ESRRG: variants seen among roughly 807,000 people sequenced by gnomAD.
ESRRG encodes the protein estrogen related receptor gamma, also known as estrogen-related receptor gamma.
A neutral mutation model predicts 44.0 loss-of-function variants in ESRRG; 13 were observed. The ratio of observed to expected loss-of-function variants is 0.30; its 90% CI spans 0.19 to 0.47. The LOEUF is 0.47. Among genes scored for constraint, ESRRG ranks in the 20% least tolerant of loss-of-function variants. The pLI, the probability that ESRRG is intolerant of heterozygous loss-of-function variation, is 1.00. For synonymous variants in ESRRG, 215 were observed against 214.6 expected, an observed-to-expected ratio of 1.00 and a Z score of -0.02; for missense variants, 395 against 580.6, an observed-to-expected ratio of 0.68 and a Z score of 3.29.
chr1:217,090,715 T>C (rs1054980035), upstream of ESRRG, among the ~76,000 whole-genome samples: 1 of 152,072 alleles, frequency 6.6e-6, no homozygotes, highest in African/African-American at 2.4e-5. Flanking sequence ...ATCATAAAAT[T>C]TGGGGGGCTC....
intron 2 of ESRRG, among the ~76,000 whole-genome samples, chr1:216,750,695 C>T (rs940541515): frequency 6.6e-6 from 1 of 151,972 alleles, no homozygotes; most frequent in Admixed American, 6.6e-5. Flanking sequence ...CATTGATAGG[C>T]ACCAGGCCAC....
chr1:217,051,215 G>GT (rs1553259376), intron 1 of ESRRG, among the ~76,000 whole-genome samples: 5 of 118,742 alleles, frequency 4.2e-5, no homozygotes, highest in East Asian at 6.2e-4. Flanking sequence ...GGGGGGGGGG[G>GT]GTGCCAGGGG....
chr1:217,075,595 C>CAA (rs569147836), intron 1 of ESRRG, among the ~76,000 whole-genome samples: 36 of 147,066 alleles, frequency 2.4e-4, no homozygotes, highest in African/African-American at 8.2e-4. Flanking sequence ...CCTTTCCCCC[C>CAA]CCCAACATTA....
At chr1:216,939,364 A>AAAAAAAAAC (rs1553720877) in intron 2 of ESRRG, among the ~76,000 whole-genome samples, 6 of 133,730 alleles carry the variant, frequency 4.5e-5, no homozygotes, top group African/African-American at 1.9e-4. Context: ...AAAAAAAAAA[A>AAAAAAAAAC]AAAAAACACT....
intron 2 of ESRRG, among the ~76,000 whole-genome samples, chr1:216,791,292 C>T (rs547843069): frequency 4.1e-4 from 62 of 152,094 alleles, no homozygotes; most frequent in Non-Finnish European, 7.8e-4. Context: ...CACCTCCTTC[C>T]CCGACTCTCT....
intron 2 of ESRRG, among the ~76,000 whole-genome samples, chr1:216,738,655 G>A (rs150932628): frequency 8.5e-4 from 130 of 152,150 alleles, no homozygotes; most frequent in African/African-American, 3.1e-3. Context: ...ATTAAGTAGG[G>A]GAAAAGTATG....
At chr1:217,106,932 C>T (rs547352866) in intron 1 of ESRRG, among the ~76,000 whole-genome samples, 7 of 152,252 alleles carry the variant, frequency 4.6e-5, no homozygotes, top group East Asian at 3.9e-4. Context: ...AGTCAGTCTC[C>T]GGTCTCTCCC....
At chr1:216,817,902 T>C (rs1037358427) in intron 2 of ESRRG, among the ~76,000 whole-genome samples, 4 of 150,378 alleles carry the variant, frequency 2.7e-5, no homozygotes, top group African/African-American at 4.9e-5. Flanking sequence ...TTCATCCCTC[T>C]AATCCATATG....
chr1:216,960,017 T>G (rs2150162878), intron 1 of ESRRG, among the ~76,000 whole-genome samples: 1 of 152,268 alleles, frequency 6.6e-6, no homozygotes, highest in Admixed American at 6.5e-5. Flanking sequence ...AGCTGGTCGG[T>G]TCCAGAGTCA....
At chr1:216,541,950 C>A (rs2052934237) in intron 5 of ESRRG, among the ~76,000 whole-genome samples, 1 of 151,800 alleles carries the variant, frequency 6.6e-6, no homozygotes, top group East Asian at 1.9e-4. Context: ...TCATTCTGGC[C>A]ATACTTCGGG....
At chr1:216,670,646 C>G (rs1423789814) in intron 2 of ESRRG, among the ~76,000 whole-genome samples, 1 of 152,192 alleles carries the variant, frequency 6.6e-6, no homozygotes, top group African/African-American at 2.4e-5. Flanking sequence ...GCGGGACTCT[C>G]TCTTGGGTCT....
intron 1 of ESRRG, among the ~76,000 whole-genome samples, chr1:217,080,671 G>GTTTTTTT (rs34598045): frequency 7.7e-5 from 5 of 65,232 alleles, no homozygotes; most frequent in East Asian, 5.1e-4. Context: ...TGTTTTTTTG[G>GTTTTTTT]TTTTTTTTTT....
intron 3 of ESRRG, among the ~76,000 whole-genome samples, chr1:216,586,284 G>A (rs1198671975): frequency 2.0e-5 from 3 of 151,980 alleles, no homozygotes; most frequent in Admixed American, 6.6e-5. Flanking sequence ...TTTTTAAGAC[G>A]CTGGAATAAA....
chr1:216,643,719 C>T (rs2066921574), intron 3 of ESRRG, among the ~76,000 whole-genome samples: 1 of 152,138 alleles, frequency 6.6e-6, no homozygotes, highest in Admixed American at 6.6e-5. Flanking sequence ...CTTCAGCAGT[C>T]CCATCAAACT....
intron 1 of ESRRG, among the ~76,000 whole-genome samples, chr1:216,994,165 T>C (rs937827780): frequency 6.6e-6 from 1 of 152,240 alleles, no homozygotes; most frequent in Admixed American, 6.5e-5. Context: ...ATTACATGTC[T>C]CAGGGGACTG....
At chr1:216,663,287 T>C (rs902766143) in intron 2 of ESRRG, among the ~76,000 whole-genome samples, 4 of 152,262 alleles carry the variant, frequency 2.6e-5, no homozygotes, top group African/African-American at 9.6e-5. Context: ...GGACAACACA[T>C]TGGGCTACAT....
intron 2 of ESRRG, among the ~76,000 whole-genome samples, chr1:216,789,388 G>A (rs1295332043): frequency 6.6e-6 from 1 of 152,082 alleles, no homozygotes; most frequent in Non-Finnish European, 1.5e-5. Flanking sequence ...ATGATCATTA[G>A]CATTTTTAGC....
chr1:216,750,594 G>A (rs892884094), intron 2 of ESRRG, among the ~76,000 whole-genome samples: 1 of 152,006 alleles, frequency 6.6e-6, no homozygotes, highest in African/African-American at 2.4e-5. Context: ...GCTTAAAAAT[G>A]AAAACTCTAT....
chr1:216,948,476 C>CAAAAAAAAA (rs5780948), intron 1 of ESRRG, among the ~76,000 whole-genome samples: 1 of 103,394 alleles, frequency 9.7e-6, no homozygotes, highest in Non-Finnish European at 2.0e-5. Flanking sequence ...GACTCCATCT[C>CAAAAAAAAA]AAAAAAAAAA....
Sources: gnomAD v4.1 joint callset for allele counts (sites outside exome capture counted in the v4.1 genomes callset) on GRCh38, gnomAD v4.1.1 for gene constraint, MANE v1.5 for transcripts, NCBI Gene and HGNC (gene_info 2026-07-23, HGNC 2026-07-21) for gene names.